ARHGAP23: variants seen among roughly 807,000 people sequenced by gnomAD.
ARHGAP23 encodes the protein Rho GTPase activating protein 23.
Under a neutral mutation model 136.3 loss-of-function variants are expected in ARHGAP23, and 34 were observed. That is an observed-to-expected ratio of 0.25 (90% CI 0.19 to 0.33). ARHGAP23 has a LOEUF of 0.33. Ranked by LOEUF, ARHGAP23 falls within the 10% of genes least tolerant of loss-of-function variation. The probability of loss-of-function intolerance (pLI) is 1.00; values close to 1 mark genes in which losing one functional copy is unlikely to be tolerated. For missense variants in ARHGAP23, 1,808 were observed against 2,139.0 expected, an observed-to-expected ratio of 0.85 and a Z score of 3.05; for synonymous variants, 832 against 920.5, an observed-to-expected ratio of 0.90 and a Z score of 1.74.
chr17:38,436,234 A>C (rs1419535811), intron 1 of ARHGAP23, among the ~76,000 whole-genome samples: 1 of 152,220 alleles, frequency 6.6e-6, no homozygotes, highest in Non-Finnish European at 1.5e-5. Context: ...GGGGTTGCCA[A>C]CATGAGGGAG....
intron 22 of ARHGAP23, among the ~76,000 whole-genome samples, chr17:38,499,616 A>G (rs2040475793): frequency 6.6e-6 from 1 of 152,018 alleles, no homozygotes; most frequent in Non-Finnish European, 1.5e-5. Context: ...GCCAGAAGAC[A>G]TGGGGGTGGG....
intron 1 of ARHGAP23, among the ~76,000 whole-genome samples, chr17:38,446,475 C>T (rs2039036916): frequency 1.3e-5 from 2 of 152,168 alleles, no homozygotes; most frequent in South Asian, 4.1e-4. Context: ...TGGGTTGCTT[C>T]CATTTCTTGG....
At chr17:38,474,638 C>T (rs560598278) in intron 11 of ARHGAP23, among the ~76,000 whole-genome samples, 76 of 152,256 alleles carry the variant, frequency 5.0e-4, no homozygotes, top group African/African-American at 1.8e-3. Context: ...GAGGGCGTGG[C>T]ACTAGAGGGA....
chr17:38,477,489 C>T lies in ARHGAP23; in HGVS notation c.2119-90C>T, dbSNP rs535980597. 11 of 1,116,696 alleles carry T rather than the reference C, an allele frequency of 9.9e-6. No individual in the cohort carries two copies. In the South Asian group the frequency reaches 3.9e-4, roughly 40 times the overall value. The allele number at this position is 1,116,696 out of a possible 1,614,324, so 69.2% of individuals were successfully genotyped here. On this transcript the variant is annotated intron_variant, in intron 11 of 23. Coordinates refer to ENST00000622683, the MANE Select transcript of ARHGAP23 (RefSeq NM_001199417.2). This position sits in a 1 kb window ranked among gnomAD's most constrained non-coding sequence, Gnocchi z 6.6. Reference sequence around the variant, plus strand: ...TGGTAGGCAGCGTGGGGTCCATCCCCTGGCTGTCCTCTGTCTGCTACTCTG... The same window carrying T: ...TGGTAGGCAGCGTGGGGTCCATCCCTTGGCTGTCCTCTGTCTGCTACTCTG...
chr17:38,498,531 G>A, intron 22 of ARHGAP23, 21 bp downstream of exon 22: 1 of 1,517,192 alleles, frequency 6.6e-7, no homozygotes, highest in South Asian at 1.2e-5. Context: ...GGGCCTGGGA[G>A]TGGGGAGGCG....
Position 38,466,390 on chromosome 17 carries a change from C to T in ARHGAP23, c.707C>T (p.Ala236Val), listed in dbSNP as rs1409683676. Residue 236 changes from alanine to valine, a missense_variant, in exon 7 of 24, where the codon GCC (alanine) becomes GTC (valine). Ala to Val is a moderately conservative substitution (Grantham distance 64). Coordinates refer to ENST00000622683, the MANE Select transcript of ARHGAP23 (RefSeq NM_001199417.2). ...SDPGLRVPPA[A>V]RAHLDNSSLG... The stretch of plus-strand genomic sequence containing the variant: ...CCGGGGCTCCGTGTGCCACCTGCTG[C>T]CCGTGCCCACCTGGACAACTCTTCC... The T allele has an allele frequency of 6.5e-7, 1 of 1,534,780 alleles. No homozygotes were observed. The highest frequency in any genetic ancestry group is 2.0e-5 in the Admixed American group (1 of 50,500).
chr17:38,459,460 G>C lies in ARHGAP23; in HGVS notation c.225+1197G>C, dbSNP rs114048596. On this transcript the variant is annotated intron_variant, in intron 2 of 23. Transcript: ENST00000622683. ...GTGCTGAAGAACATAAGTGGGGGCT[G>C]ATGGAGTGTGGAGGGGGCACAGACC... 4.5e-3 allele frequency among the ~76,000 whole-genome samples: 688 copies of C among 152,326 alleles called. 9 individuals are homozygous for C. The highest frequency in any genetic ancestry group is 0.015 in the African/African-American group (638 of 41,566).
rs547115932 is a variant in ARHGAP23 at position 38,480,633 on chromosome 17, C to CA, written c.2629+761dup. Among the ~76,000 whole-genome samples, 780 of 142,790 alleles carry CA rather than the reference C, an allele frequency of 5.5e-3. 4 individuals are homozygous for CA. The highest frequency in any genetic ancestry group is 0.018 in the African/African-American group (698 of 39,018). 93.7% of individuals were successfully genotyped at this position (142,790 alleles called of 152,430 possible). ...TGGGTGACAGAGCGAGACTCCATCT[C>CA]AAAAAAAAAAATACAATAAAAGTAC... On this transcript the variant is annotated intron_variant, in intron 14 of 23. Coordinates refer to ENST00000622683, the MANE Select transcript of ARHGAP23 (RefSeq NM_001199417.2).
At chr17:38,453,430 T>C (rs1243867974) in intron 1 of ARHGAP23, among the ~76,000 whole-genome samples, 16 of 103,388 alleles carry the variant, frequency 1.5e-4, no homozygotes, top group Admixed American at 6.7e-4. Context: ...TGCGTGTGTG[T>C]GTGTGTGTGT....
chr17:38,499,284 C>T (rs867076248), intron 22 of ARHGAP23, among the ~76,000 whole-genome samples: 7 of 152,218 alleles, frequency 4.6e-5, no homozygotes, highest in Non-Finnish European at 1.0e-4. Flanking sequence ...GGCTGGGGAC[C>T]GACACTCTCT....
intron 23 of ARHGAP23, among the ~76,000 whole-genome samples, chr17:38,509,582 G>T (rs192159115): frequency 3.3e-5 from 5 of 152,310 alleles, no homozygotes; most frequent in Admixed American, 2.6e-4. Flanking sequence ...CCAGGGGCGT[G>T]TGTGAAACGG....
In ARHGAP23 at chr17:38,511,156, G is replaced by A; in HGVS notation, c.*184G>A. The A allele has an allele frequency of 1.6e-5, 10 of 640,414 alleles. No homozygotes were observed. Among genetic ancestry groups the A allele is most frequent in the Non-Finnish European group, 2.4e-5 (10 of 416,964 alleles). 39.7% of individuals were successfully genotyped at this position (640,414 alleles called of 1,614,324 possible). On this transcript the variant is annotated 3_prime_UTR_variant, in exon 24 of 24. Coordinates refer to ENST00000622683, the MANE Select transcript of ARHGAP23 (RefSeq NM_001199417.2). The stretch of plus-strand genomic sequence containing the variant: ...CAGGGCAGAGGAGAAGGCTGGGGCC[G>A]GACTAATTGAATGGAAGGGGGTTCC...
intron 1 of ARHGAP23, among the ~76,000 whole-genome samples, chr17:38,445,206 C>T (rs1045073877): frequency 2.0e-5 from 3 of 151,356 alleles, no homozygotes; most frequent in Non-Finnish European, 2.9e-5. Context: ...GTGGCTCACG[C>T]CTGTAATCCC....
chr17:38,504,076 CAGGG>C (rs2040577687), intron 23 of ARHGAP23, among the ~76,000 whole-genome samples: 1 of 152,168 alleles, frequency 6.6e-6, no homozygotes, highest in Non-Finnish European at 1.5e-5. Flanking sequence ...GGGCCTCAGG[CAGGG>C]GAGCTGGTTA....
At chr17:38,441,766 A>C (rs760443602) in intron 1 of ARHGAP23, among the ~76,000 whole-genome samples, 15 of 152,146 alleles carry the variant, frequency 9.9e-5, no homozygotes, top group Non-Finnish European at 1.5e-4. Flanking sequence ...GGGGGCAGGC[A>C]GGCACTGTAT....
At position 38,458,111 on chromosome 17, in the gene ARHGAP23, G is replaced by A. The variant is rs1178191283; in HGVS notation, c.73G>A (p.Gly25Ser). 14 of 1,535,958 alleles carry A rather than the reference G, an allele frequency of 9.1e-6. 1 individual carries two copies. Among genetic ancestry groups the A allele is most frequent in the Non-Finnish European group, 1.2e-5 (14 of 1,146,902 alleles). ...TCTCTGTCTCCCACAGCTGCCACTG[G>A]GCCCAAGAGATGGGTGCTCTCCTAG... ...PEPRPPQLPL[G>S]PRDGCSPRRP... Residue 25 changes from glycine to serine, a missense_variant, in exon 2 of 24, where the codon GGC (glycine) becomes AGC (serine). This residue lies in a region of ARHGAP23 where 859 missense variants were observed against 936.4 expected (regional missense o/e 0.92). Transcript: ENST00000622683.
rs1475825889 is a variant in ARHGAP23, at chr17:38,510,938, G to A, written c.4442G>A (p.Arg1481His). 8.9e-6 allele frequency: 13 copies of A among 1,464,916 alleles called. No individual in the cohort carries two copies. The highest frequency in any genetic ancestry group is 2.7e-5 in the Admixed American group (1 of 37,548). 90.7% of individuals were successfully genotyped at this position (1,464,916 alleles called of 1,614,324 possible). A position where few individuals can be genotyped will look rare whatever the true frequency, so the allele number is the denominator to read the frequency against. The change falls in exon 24 of 24, where the codon CGC (arginine) becomes CAC (histidine). Residue 1481 changes from arginine (R) to histidine (H), a missense_variant. Arg to His is a conservative substitution (Grantham distance 29). Transcript: ENST00000622683. This position sits in a 1 kb window ranked among gnomAD's most constrained non-coding sequence, Gnocchi z 4.6. ...TCCCTGCAGAGCCAGCCCCCGCGCC[G>A]CTCGGCCGCCTCCCGCCTGCATCAG... is the stretch of plus-strand genomic sequence containing the variant. ...TGSLQSQPPR[R>H]SAASRLHQCL
At chr17:38,447,464 AAG>A (rs2039062143) in intron 1 of ARHGAP23, among the ~76,000 whole-genome samples, 2 of 150,720 alleles carry the variant, frequency 1.3e-5, no homozygotes, top group African/African-American at 4.9e-5. Context: ...AAAAAAAAAA[AAG>A]AAATAATTTT....
upstream of ARHGAP23, among the ~76,000 whole-genome samples, chr17:38,424,719 T>C (rs866602842): frequency 2.6e-5 from 4 of 152,188 alleles, no homozygotes; most frequent in Admixed American, 6.5e-5. Context: ...GTTAAGTGTA[T>C]AGACCCTGGA....
Sources: allele counts gnomAD v4.1 joint callset (sites outside exome capture counted in the v4.1 genomes callset), GRCh38; gene constraint gnomAD v4.1.1; regional missense constraint gnomAD v4.1.1; non-coding constraint Gnocchi (gnomAD v3.1); transcripts MANE v1.5; gene names NCBI Gene and HGNC (gene_info 2026-07-23, HGNC 2026-07-21).